GLIS3: variants seen among roughly 807,000 people sequenced by gnomAD.
GLIS3 encodes the protein GLIS family zinc finger 3, also known as zinc finger protein GLIS3.
GLIS3 carries 53 observed loss-of-function variants against 78.6 expected under a neutral mutation model. The ratio of observed to expected loss-of-function variants is 0.67; its 90% CI spans 0.54 to 0.85. The LOEUF (loss-of-function observed/expected upper bound fraction) is 0.85. GLIS3 is among the 40% of genes least tolerant of loss of function. GLIS3 has a pLI of 0.00. For synonymous variants in GLIS3, 684 were observed against 509.9 expected, an observed-to-expected ratio of 1.34 and a Z score of -4.60; for missense variants, 1,703 against 1,231.1, an observed-to-expected ratio of 1.38 and a Z score of -5.74.
intron 1 of GLIS3, among the ~76,000 whole-genome samples, chr9:4,294,236 C>T (rs766528655): frequency 5.9e-5 from 9 of 152,156 alleles, no homozygotes; most frequent in African/African-American, 1.2e-4. Context: ...GGGCCAGGTG[C>T]GGTGGCTCAC....
intron 4 of GLIS3, among the ~76,000 whole-genome samples, chr9:4,053,592 AG>A (rs1408709586): frequency 5.9e-5 from 9 of 151,392 alleles, no homozygotes; most frequent in Non-Finnish European, 1.3e-4. Context: ...GGCACATAGC[AG>A]GTCTTTCTCT....
chr9:4,471,882 T>C, the GLIS3 span, among the ~76,000 whole-genome samples: 5 of 151,976 alleles, frequency 3.3e-5, no homozygotes, highest in Admixed American at 6.6e-5. Flanking sequence ...ATATCCAGAA[T>C]CTACAAATAA....
intron 4 of GLIS3, among the ~76,000 whole-genome samples, chr9:4,084,467 A>G (rs10758555): frequency 0.25 from 38,448 of 151,924 alleles, 5,176 homozygotes; most frequent in East Asian, 0.35. Flanking sequence ...CGTGGTGGAG[A>G]AGAAACAGCC....
the GLIS3 span, among the ~76,000 whole-genome samples, chr9:4,464,584 G>A: frequency 1.3e-5 from 2 of 151,764 alleles, no homozygotes; most frequent in African/African-American, 2.4e-5. Flanking sequence ...TAGTAGAGGC[G>A]GGATTTCACC....
At chr9:4,315,535 A>G (rs553415241) in intron 2 of GLIS3, among the ~76,000 whole-genome samples, 16 of 152,320 alleles carry the variant, frequency 1.1e-4, no homozygotes, top group African/African-American at 3.8e-4. Context: ...AAACAGAGTT[A>G]ATTCCTAAAC....
chr9:4,105,480 G>C (rs921047709), intron 4 of GLIS3, among the ~76,000 whole-genome samples: 4 of 152,138 alleles, frequency 2.6e-5, no homozygotes, highest in African/African-American at 9.7e-5. Context: ...ACCATCTTTG[G>C]AGGAAATGTA....
chr9:4,149,619 T>C (rs965446657), intron 2 of GLIS3, among the ~76,000 whole-genome samples: 1 of 152,216 alleles, frequency 6.6e-6, no homozygotes, highest in Non-Finnish European at 1.5e-5. Flanking sequence ...CAAGTACAAA[T>C]AGATGACACT....
intron 9 of GLIS3, among the ~76,000 whole-genome samples, chr9:3,837,841 A>T (rs944888535): frequency 6.6e-6 from 1 of 152,202 alleles, no homozygotes; most frequent in African/African-American, 2.4e-5. Flanking sequence ...AGATGCCATT[A>T]TACATTCGTT....
Position 4,091,865 on chromosome 9 carries a change from A to G in GLIS3, c.1710+25903T>C, listed in dbSNP as rs369936604. Among the ~76,000 whole-genome samples, 50 of 152,304 alleles carry G rather than the reference A, an allele frequency of 3.3e-4. No individual in the cohort carries two copies. The South Asian group carries it at 1.0e-2, about 30-fold the overall frequency. On this transcript the variant is annotated intron_variant, in intron 4 of 10. Transcript: ENST00000381971. Reference sequence around the variant, plus strand: ...ACAGTAAGTATCTGTGTATCTAAACATATCCAAACATACTATGGTATGGTA... The same window carrying G: ...ACAGTAAGTATCTGTGTATCTAAACGTATCCAAACATACTATGGTATGGTA...
chr9:4,330,000 G>C (rs1221988068), intron 2 of GLIS3, among the ~76,000 whole-genome samples: 1 of 152,018 alleles, frequency 6.6e-6, no homozygotes, highest in Non-Finnish European at 1.5e-5. Context: ...ATATTTCCTT[G>C]AACAGAGCCC....
At chr9:4,246,114 T>C (rs1587129280) in intron 2 of GLIS3, among the ~76,000 whole-genome samples, 1 of 152,118 alleles carries the variant, frequency 6.6e-6, no homozygotes, top group African/African-American at 2.4e-5. Context: ...CGGTGGCTCA[T>C]GCCTGTAATC....
chr9:4,419,576 G>A, the GLIS3 span, among the ~76,000 whole-genome samples: 80 of 152,174 alleles, frequency 5.3e-4, no homozygotes, highest in Admixed American at 3.1e-3. Flanking sequence ...GATCACTTGA[G>A]GTCAGGAGTT....
At chr9:4,398,980 C>G in the GLIS3 span, among the ~76,000 whole-genome samples, 7 of 152,230 alleles carry the variant, frequency 4.6e-5, no homozygotes, top group Non-Finnish European at 1.0e-4. Context: ...AGCCACCGTA[C>G]CCAGCCTGCT....
At chr9:4,279,420 A>C (rs1169934453) in intron 2 of GLIS3, among the ~76,000 whole-genome samples, 5 of 149,316 alleles carry the variant, frequency 3.3e-5, no homozygotes, top group South Asian at 2.1e-4. Flanking sequence ...TTTTAATGAA[A>C]CACAAAGAAA....
rs546950538 is a variant in GLIS3 at position 4,329,589 on chromosome 9, G to A, written n.264+17492C>T. 4.6e-5 allele frequency among the ~76,000 whole-genome samples: 7 copies of A among 152,158 alleles called. No individual in the cohort carries two copies. In the East Asian group the frequency reaches 1.2e-3, roughly 25 times the overall value. ...AAGAATGTGCTACACACTGTGCCAA[G>A]TACAGCACAACCCCACCCTCTATCT... On this transcript the variant is annotated intron_variant and non_coding_transcript_variant, in intron 2 of 4. Coordinates refer to the GLIS3 transcript ENST00000471664.
At position 4,295,067 on chromosome 9, in the gene GLIS3, C is replaced by A. The variant is rs73641405; in HGVS notation, c.-99+4354G>T. Among the ~76,000 whole-genome samples the A allele has an allele frequency of 5.2e-3, 787 of 152,288 alleles. 11 individuals are homozygous for A. Among genetic ancestry groups the A allele is most frequent in the African/African-American group, 0.018 (750 of 41,548 alleles). ...GAAAAAGTGGCACAGAAATTCTATT[C>A]CATTCTTCTGGGTAGGCATGTTATT... On this transcript the variant is annotated intron_variant, in intron 1 of 10. Transcript: ENST00000381971.
At chr9:4,093,900 A>G (rs1210926044) in intron 4 of GLIS3, among the ~76,000 whole-genome samples, 1 of 152,254 alleles carries the variant, frequency 6.6e-6, no homozygotes, top group African/African-American at 2.4e-5. Flanking sequence ...GTCTCACCTT[A>G]TAATACCTCA....
the GLIS3 span, among the ~76,000 whole-genome samples, chr9:4,423,358 A>G: frequency 2.4e-4 from 37 of 152,162 alleles, 1 homozygote; most frequent in East Asian, 4.6e-3. Flanking sequence ...TTAGCTCCCA[A>G]GGCCTCCTGG....
chr9:4,037,037 T>G (rs1344923450), intron 4 of GLIS3, among the ~76,000 whole-genome samples: 2 of 152,108 alleles, frequency 1.3e-5, no homozygotes, highest in African/African-American at 4.8e-5. Flanking sequence ...GCTGTATAAT[T>G]TACTAGGGAA....
Sources: gnomAD v4.1 joint callset for allele counts (sites outside exome capture counted in the v4.1 genomes callset) on GRCh38, gnomAD v4.1.1 for gene constraint, MANE v1.5 for transcripts, NCBI Gene and HGNC (gene_info 2026-07-23, HGNC 2026-07-21) for gene names.